GPHN: variants seen among roughly 807,000 people sequenced by gnomAD.
GPHN encodes the protein gephyrin.
A neutral mutation model predicts 95.5 loss-of-function variants in GPHN; 17 were observed. That is an observed-to-expected ratio of 0.18 (90% CI 0.12 to 0.27). The LOEUF (loss-of-function observed/expected upper bound fraction) is 0.27, where lower values mean the gene tolerates loss of function less well. Among genes scored for constraint, GPHN ranks in the 10% least tolerant of loss-of-function variants. The probability of loss-of-function intolerance (pLI) is 1.00; values close to 1 mark genes in which losing one functional copy is unlikely to be tolerated. For synonymous variants in GPHN, 320 were observed against 322.5 expected (o/e 0.99, Z 0.08); for missense variants, 660 against 978.1 (o/e 0.67, Z 4.34).
intron 1 of GPHN, among the ~76,000 whole-genome samples, chr14:66,599,310 C>G (rs1041147100): frequency 6.6e-6 from 1 of 150,542 alleles, no homozygotes; most frequent in Non-Finnish European, 1.5e-5. Context: ...TTTTATTTAC[C>G]ACTTTGGTCT....
At chr14:67,559,729 A>AGGCCCAGCCATGCCTC in the GPHN span, 1 of 1,419,212 alleles carries the variant, frequency 7.0e-7, no homozygotes, top group Non-Finnish European at 9.8e-7. Context: ...TGCCAGAGGC[A>AGGCCCAGCCATGCCTC]TGGCTGGGCC....
chr14:67,028,795 ATT>A, intron 10 of GPHN, among the ~76,000 whole-genome samples: 1 of 151,990 alleles, frequency 6.6e-6, no homozygotes, highest in East Asian at 1.9e-4. Context: ...GTTTGCAAGT[ATT>A]TTCTTCCATG....
the GPHN span, chr14:67,445,976 A>G: frequency 2.1e-6 from 1 of 483,352 alleles, no homozygotes; most frequent in Admixed American, 2.2e-5. Flanking sequence ...CTAGCCTGTA[A>G]GAAACAGTTC....
At position 66,768,103 on chromosome 14, in the gene GPHN, A is replaced by T. The variant is rs141936325; in HGVS notation, c.144-8361A>T. 3.9e-4 allele frequency among the ~76,000 whole-genome samples: 60 copies of T among 152,108 alleles called. 3 individuals carry two copies. In the East Asian group the frequency reaches 9.6e-3, roughly 24 times the overall value. ...AAAGATTTAGAAAATCAAATTTATG[A>T]GGAAGATTAAAGTTAACTGGGAATT... On this transcript the variant is annotated intron_variant, in intron 2 of 22. Coordinates refer to ENST00000478722, the MANE Select transcript of GPHN (RefSeq NM_020806.5).
At chr14:66,917,693 C>T (rs1220309410) in intron 6 of GPHN, among the ~76,000 whole-genome samples, 1 of 152,142 alleles carries the variant, frequency 6.6e-6, no homozygotes, top group African/African-American at 2.4e-5. Flanking sequence ...GCATAGATAA[C>T]AATAACCAAG....
intron 4 of GPHN, among the ~76,000 whole-genome samples, chr14:66,864,871 G>C (rs2063169120): frequency 6.6e-6 from 1 of 152,144 alleles, no homozygotes; most frequent in Non-Finnish European, 1.5e-5. Flanking sequence ...ATCAACCTAA[G>C]TGTCCATCAG....
chr14:67,237,455 GA>G, the GPHN span, among the ~76,000 whole-genome samples: 5 of 151,906 alleles, frequency 3.3e-5, no homozygotes, highest in Non-Finnish European at 5.9e-5. Flanking sequence ...ACAAGTGGCT[GA>G]AATGCAACAT....
the GPHN span, chr14:67,223,888 G>A: frequency 1.6e-5 from 16 of 985,528 alleles, no homozygotes; most frequent in Non-Finnish European, 1.9e-5. Context: ...GCAAAGACTG[G>A]CTGAATCTTA....
chr14:67,184,354 G>T (rs1244751390), downstream of GPHN, among the ~76,000 whole-genome samples: 1 of 152,124 alleles, frequency 6.6e-6, no homozygotes, highest in Non-Finnish European at 1.5e-5. Context: ...TAGGGAAAAC[G>T]CTTTGGCAGC....
chr14:67,127,598 A>C (rs1197096264), intron 17 of GPHN, among the ~76,000 whole-genome samples: 1 of 152,196 alleles, frequency 6.6e-6, no homozygotes, highest in Non-Finnish European at 1.5e-5. Context: ...ATCTCTGACA[A>C]GCTCCAAAAT....
intron 3 of GPHN, among the ~76,000 whole-genome samples, chr14:66,811,643 A>G (rs1160275013): frequency 3.9e-5 from 6 of 152,140 alleles, no homozygotes; most frequent in Admixed American, 2.0e-4. Context: ...TTACAATTGT[A>G]TAACAGATGA....
the GPHN span, among the ~76,000 whole-genome samples, chr14:67,544,585 CTA>C: frequency 1.3e-5 from 2 of 152,108 alleles, no homozygotes; most frequent in Non-Finnish European, 2.9e-5. Flanking sequence ...TGGCAAGAGA[CTA>C]TGAAATAAAT....
At chr14:67,573,505 G>A in the GPHN span, 1 of 707,694 alleles carries the variant, frequency 1.4e-6, no homozygotes, top group Non-Finnish European at 2.4e-6. The surrounding 1 kb of genome is among the most constrained non-coding windows in gnomAD (Gnocchi z 4.8). Context: ...AGGTCTGGCA[G>A]GTGGGGAGAG....
chr14:66,710,141 A>G (rs191271093), intron 2 of GPHN, among the ~76,000 whole-genome samples: 8 of 152,286 alleles, frequency 5.3e-5, no homozygotes, highest in Admixed American at 3.9e-4. Context: ...TGCTTTATAT[A>G]TTATTTCTAT....
intron 5 of GPHN, among the ~76,000 whole-genome samples, chr14:66,900,011 C>G (rs560094321): frequency 5.3e-5 from 8 of 151,880 alleles, no homozygotes; most frequent in African/African-American, 1.9e-4. Context: ...AGAAATTTGT[C>G]CATCTCATCT....
intron 3 of GPHN, among the ~76,000 whole-genome samples, chr14:66,821,559 C>T (rs1184664398): frequency 3.3e-5 from 5 of 152,178 alleles, no homozygotes; most frequent in Non-Finnish European, 5.9e-5. Flanking sequence ...AAGGAAGTAC[C>T]TGAATAAAAG....
At chr14:66,574,722 T>C (rs10133641) in intron 1 of GPHN, among the ~76,000 whole-genome samples, 49,883 of 152,080 alleles carry the variant, frequency 0.33, 12,022 homozygotes, top group African/African-American at 0.65. Flanking sequence ...CAAGGTCTGC[T>C]GTCAGTGTGG....
chr14:66,641,799 A>G (rs922666087), intron 1 of GPHN, among the ~76,000 whole-genome samples: 3 of 152,170 alleles, frequency 2.0e-5, no homozygotes, highest in African/African-American at 7.2e-5. Flanking sequence ...AAAATTGGCC[A>G]AATAGGGGAT....
chr14:67,262,521 G>T, the GPHN span, among the ~76,000 whole-genome samples: 1 of 152,082 alleles, frequency 6.6e-6, no homozygotes, highest in African/African-American at 2.4e-5. Context: ...ATTGTTTGAA[G>T]TGATCACTTT....
Sources: allele counts gnomAD v4.1 joint callset (sites outside exome capture counted in the v4.1 genomes callset), GRCh38; gene constraint gnomAD v4.1.1; non-coding constraint Gnocchi (gnomAD v3.1); transcripts MANE v1.5; gene names NCBI Gene and HGNC (gene_info 2026-07-23, HGNC 2026-07-21).